ERC2: variants seen among roughly 807,000 people sequenced by gnomAD.
ERC2 encodes ERC protein 2.
ERC2 carries 42 observed loss-of-function variants against 114.8 expected under a neutral mutation model. The observed-to-expected ratio is 0.37, with a 90% confidence interval of 0.29 to 0.47. The LOEUF (loss-of-function observed/expected upper bound fraction) is 0.47. Among genes scored for constraint, ERC2 ranks in the 20% least tolerant of loss-of-function variants. The pLI, the probability that ERC2 is intolerant of heterozygous loss-of-function variation, is 0.99. For synonymous variants in ERC2, 454 were observed against 425.5 expected (o/e 1.07, Z -0.82); for missense variants, 939 against 1,150.7 (o/e 0.82, Z 2.66).
At chr3:56,325,105 C>T (rs1272183338) in intron 2 of ERC2, among the ~76,000 whole-genome samples, 1 of 151,902 alleles carries the variant, frequency 6.6e-6, no homozygotes, top group Non-Finnish European at 1.5e-5. Flanking sequence ...TATCTTCCAA[C>T]TCTAACATGG....
chr3:55,581,232 A>G (rs6794010), intron 17 of ERC2, among the ~76,000 whole-genome samples: 32,804 of 152,132 alleles, frequency 0.22, 3,787 homozygotes, highest in African/African-American at 0.3. Flanking sequence ...TTAAGTCCTA[A>G]GTCTCCCATC....
intron 14 of ERC2, among the ~76,000 whole-genome samples, chr3:55,738,003 G>A (rs2065746997): frequency 6.6e-6 from 1 of 152,134 alleles, no homozygotes. Flanking sequence ...CTACATGTAT[G>A]TGTTCATCCA....
chr3:55,595,182 T>C (rs1384699907), intron 17 of ERC2, among the ~76,000 whole-genome samples: 1 of 152,208 alleles, frequency 6.6e-6, no homozygotes, highest in Non-Finnish European at 1.5e-5. Flanking sequence ...TAAAATGTGT[T>C]CCCTACTAAT....
intron 14 of ERC2, among the ~76,000 whole-genome samples, chr3:55,793,889 G>C (rs2070260047): frequency 6.6e-6 from 1 of 152,142 alleles, no homozygotes; most frequent in Non-Finnish European, 1.5e-5. Flanking sequence ...TTAAAAATTT[G>C]GATGTGTTCA....
intron 4 of ERC2, among the ~76,000 whole-genome samples, chr3:56,169,325 A>G (rs993436345): frequency 1.1e-4 from 17 of 152,224 alleles, no homozygotes; most frequent in African/African-American, 4.1e-4. Context: ...AATATCATTT[A>G]ATGTTTTAAG....
chr3:55,850,274 C>G (rs2061516618), intron 14 of ERC2, among the ~76,000 whole-genome samples: 2 of 152,146 alleles, frequency 1.3e-5, no homozygotes, highest in South Asian at 4.1e-4. Context: ...CTGAAAAGAC[C>G]CTTATTCTGA....
intron 17 of ERC2, among the ~76,000 whole-genome samples, chr3:55,620,898 A>G (rs144556532): frequency 6.6e-6 from 1 of 152,366 alleles, no homozygotes; most frequent in East Asian, 1.9e-4. Context: ...CTAGATATTT[A>G]TAACATAACT....
intron 11 of ERC2, among the ~76,000 whole-genome samples, chr3:55,989,799 T>C (rs1363869360): frequency 1.3e-5 from 2 of 152,122 alleles, no homozygotes; most frequent in Non-Finnish European, 2.9e-5. Context: ...CTTCCCAGAG[T>C]ACCTGGCACA....
At chr3:55,542,854 T>C (rs768613992) in intron 17 of ERC2, among the ~76,000 whole-genome samples, 17 of 152,238 alleles carry the variant, frequency 1.1e-4, no homozygotes, top group Admixed American at 5.9e-4. Context: ...ATGGATTCCA[T>C]AGTGGCCAAT....
intron 2 of ERC2, among the ~76,000 whole-genome samples, chr3:56,323,426 GCAACAACCACCAGA>G (rs1202342722): frequency 6.6e-6 from 1 of 152,138 alleles, no homozygotes; most frequent in African/African-American, 2.4e-5. Flanking sequence ...ACAAATGCCA[GCAACAACCACCAGA>G]CATGTGACAG....
Position 56,149,031 on chromosome 3 carries a change from T to C in ERC2, c.1251A>G (p.Glu417=), listed in dbSNP as rs1168443691. The part of the protein sequence containing the change: ...NGVLNTEDRE[E]EIKQIEVYKS... ...TGTAAACCTCAATTTGTTTGATCTCTTCTTCGCGGTCCTCAGTGTTCAGCA... is the reference window on the plus strand; with the variant it reads ...TGTAAACCTCAATTTGTTTGATCTCCTCTTCGCGGTCCTCAGTGTTCAGCA... The change falls in exon 5 of 18, where the codon GAA becomes GAG. Residue 417 remains glutamate, a synonymous_variant. Transcript: ENST00000288221. 43 of 1,613,388 alleles carry C rather than the reference T, an allele frequency of 2.7e-5. No homozygotes were observed. The highest frequency in any genetic ancestry group is 3.5e-5 in the Non-Finnish European group (41 of 1,179,482).
chr3:56,417,584 A>G (rs761171426), intron 2 of ERC2, among the ~76,000 whole-genome samples: 1 of 152,200 alleles, frequency 6.6e-6, no homozygotes, highest in Non-Finnish European at 1.5e-5. Context: ...TATAAAGGGT[A>G]AAGAACAATA....
chr3:55,593,929 CA>C (rs2058019809), intron 17 of ERC2, among the ~76,000 whole-genome samples: 2 of 152,204 alleles, frequency 1.3e-5, no homozygotes, highest in African/African-American at 4.8e-5. Context: ...CTTTTACCAT[CA>C]CAGTGATACT....
chr3:55,958,677 G>A (rs966434586), intron 12 of ERC2, among the ~76,000 whole-genome samples: 6 of 152,242 alleles, frequency 3.9e-5, no homozygotes, highest in Admixed American at 2.6e-4. Flanking sequence ...AGAGAGGGCC[G>A]AGGCAACAGG....
intron 12 of ERC2, among the ~76,000 whole-genome samples, chr3:55,971,972 T>C (rs1006670261): frequency 6.6e-6 from 1 of 152,186 alleles, no homozygotes; most frequent in Non-Finnish European, 1.5e-5. Flanking sequence ...CTCCTCTCAA[T>C]TCTTATTGAT....
chr3:56,457,273 G>A (rs144652524), intron 1 of ERC2, among the ~76,000 whole-genome samples: 1 of 152,292 alleles, frequency 6.6e-6, no homozygotes, highest in Non-Finnish European at 1.5e-5. Context: ...AACAAGTGAT[G>A]TGGAGTCCCA....
intron 14 of ERC2, among the ~76,000 whole-genome samples, chr3:55,828,264 C>A (rs1237921489): frequency 6.6e-6 from 1 of 152,196 alleles, no homozygotes; most frequent in African/African-American, 2.4e-5. Flanking sequence ...GGACAAAATA[C>A]AAACGCAAAT....
chr3:55,716,423 AG>A (rs1371106972), intron 15 of ERC2, among the ~76,000 whole-genome samples: 2 of 152,234 alleles, frequency 1.3e-5, no homozygotes, highest in Non-Finnish European at 2.9e-5. Context: ...CATAACTAGC[AG>A]GGTCCTGGAG....
intron 1 of ERC2, among the ~76,000 whole-genome samples, chr3:56,465,034 A>C (rs2063481073): frequency 1.3e-5 from 2 of 152,198 alleles, no homozygotes; most frequent in Admixed American, 1.3e-4. Context: ...GTTTTGGCAA[A>C]CCTTCACCAC....
Sources: allele counts gnomAD v4.1 joint callset (sites outside exome capture counted in the v4.1 genomes callset), GRCh38; gene constraint gnomAD v4.1.1; transcripts MANE v1.5; gene names NCBI Gene and HGNC (gene_info 2026-07-23, HGNC 2026-07-21).